Variants in ATP10A observed in about 807,000 individuals in gnomAD.
The protein encoded by ATP10A is ATPase phospholipid transporting 10A (putative).
ATP10A carries 111 observed loss-of-function variants against 147.8 expected under a neutral mutation model. The ratio of observed to expected loss-of-function variants is 0.75; its 90% CI spans 0.64 to 0.88. The LOEUF (loss-of-function observed/expected upper bound fraction) is 0.88. Among genes scored for constraint, ATP10A ranks in the 40% least tolerant of loss-of-function variants. The probability of loss-of-function intolerance (pLI) is 0.00; values close to 1 mark genes in which losing one functional copy is unlikely to be tolerated. For synonymous variants in ATP10A, 875 were observed against 841.6 expected, an observed-to-expected ratio of 1.04 and a Z score of -0.69; for missense variants, 1,927 against 1,959.0, an observed-to-expected ratio of 0.98 and a Z score of 0.31.
intron 1 of ATP10A, among the ~76,000 whole-genome samples, chr15:25,798,142 T>G (rs1890769609): frequency 6.6e-6 from 1 of 152,132 alleles, no homozygotes; most frequent in African/African-American, 2.4e-5. Flanking sequence ...AAGGAGCTCC[T>G]CAGCTTCACT....
At chr15:25,843,178 G>A (rs1308830508) in intron 1 of ATP10A, among the ~76,000 whole-genome samples, 1 of 152,060 alleles carries the variant, frequency 6.6e-6, no homozygotes, top group Non-Finnish European at 1.5e-5. Context: ...CCTGGCACCA[G>A]AGGGCTGCCA....
chr15:25,698,971 C>A (rs998850568), intron 13 of ATP10A, among the ~76,000 whole-genome samples: 1 of 152,024 alleles, frequency 6.6e-6, no homozygotes, highest in African/African-American at 2.4e-5. Context: ...TAGAGATATA[C>A]CATGTTTACA....
intron 1 of ATP10A, among the ~76,000 whole-genome samples, chr15:25,814,186 T>C (rs1891552035): frequency 6.6e-6 from 1 of 152,076 alleles, no homozygotes; most frequent in Non-Finnish European, 1.5e-5. Context: ...GTAAGAACTA[T>C]AACAAATGTC....
At position 25,713,664 on chromosome 15, in the gene ATP10A, G is replaced by A. The variant is rs1353582862; in HGVS notation, c.2344+10C>T. On this transcript the variant is annotated intron_variant, in intron 10 of 20. Transcript: ENST00000555815. ...CGAGCTGGGGTGCAGCTGGGCAGGG[G>A]TGGGAGTACCTGAAGAGCAGGGCTG... 1.2e-6 allele frequency: 2 copies of A among 1,612,674 alleles called. No homozygotes were observed. The highest frequency in any genetic ancestry group is 1.3e-5 in the African/African-American group (1 of 74,902).
chr15:25,793,001 G>C (rs1890504439), intron 1 of ATP10A, among the ~76,000 whole-genome samples: 1 of 151,650 alleles, frequency 6.6e-6, no homozygotes, highest in South Asian at 2.1e-4. Context: ...CTCCCGAGTA[G>C]CTGGGACTAC....
At position 25,815,660 on chromosome 15, in the gene ATP10A, T is replaced by A. The variant is rs549318883; in HGVS notation, c.450-34437A>T. ...TAAAACCAAACCCAAAAATGAATTC[T>A]GCAAAAAAATTTGTTAAGCTTATTT... On this transcript the variant is annotated intron_variant, in intron 1 of 20. Coordinates refer to ENST00000555815, the MANE Select transcript of ATP10A (RefSeq NM_024490.4). Among the ~76,000 whole-genome samples the A allele has an allele frequency of 5.1e-4, 11 of 21,516 alleles. No homozygotes were observed. The South Asian group carries it at 0.014, about 27-fold the overall frequency. 14.1% of individuals were successfully genotyped at this position (21,516 alleles called of 152,430 possible).
intron 1 of ATP10A, among the ~76,000 whole-genome samples, chr15:25,809,009 G>A (rs1891316076): frequency 6.6e-6 from 1 of 152,176 alleles, no homozygotes; most frequent in Non-Finnish European, 1.5e-5. Context: ...ATGTGGAGAA[G>A]CCAGGTACAG....
chr15:25,740,724 G>A (rs898550156), intron 2 of ATP10A, among the ~76,000 whole-genome samples: 1 of 152,176 alleles, frequency 6.6e-6, no homozygotes, highest in African/African-American at 2.4e-5. Flanking sequence ...CTTTGGTCTC[G>A]CCACCTGCTA....
chr15:25,775,925 T>C (rs1889584367), intron 2 of ATP10A, among the ~76,000 whole-genome samples: 1 of 152,222 alleles, frequency 6.6e-6, no homozygotes, highest in South Asian at 2.1e-4. Flanking sequence ...TATCCCTGTT[T>C]CTGCTTTCTC....
At chr15:25,858,936 G>A (rs1231761501) in intron 1 of ATP10A, among the ~76,000 whole-genome samples, 1 of 152,182 alleles carries the variant, frequency 6.6e-6, no homozygotes, top group Admixed American at 6.5e-5. Context: ...TTGGGGGACA[G>A]ATGAAATCAC....
intron 2 of ATP10A, among the ~76,000 whole-genome samples, chr15:25,779,394 T>C (rs1420664915): frequency 6.6e-6 from 1 of 152,250 alleles, no homozygotes; most frequent in African/African-American, 2.4e-5. Context: ...ATTCGAGCTA[T>C]CAGCCCTCTG....
chr15:25,850,588 T>A (rs936691981), intron 1 of ATP10A, among the ~76,000 whole-genome samples: 1 of 152,008 alleles, frequency 6.6e-6, no homozygotes, highest in Admixed American at 6.6e-5. Flanking sequence ...ACTGGAACTG[T>A]GTAGAGCGTC....
chr15:25,711,804 C>T (rs970690976), intron 10 of ATP10A, among the ~76,000 whole-genome samples: 18 of 152,304 alleles, frequency 1.2e-4, no homozygotes, highest in African/African-American at 3.1e-4. Context: ...GCCACGCTGA[C>T]GATGCCAGGT....
intron 7 of ATP10A, among the ~76,000 whole-genome samples, chr15:25,719,848 G>A (rs73362949): frequency 0.014 from 2,177 of 152,316 alleles, 54 homozygotes; most frequent in African/African-American, 0.05. Flanking sequence ...GTTCTGGTAC[G>A]TGAGCAGGGC....
intron 1 of ATP10A, among the ~76,000 whole-genome samples, chr15:25,819,907 T>C (rs1410885133): frequency 4.6e-5 from 7 of 151,918 alleles, no homozygotes; most frequent in African/African-American, 1.7e-4. Context: ...AAAATGATAA[T>C]ATTGGAGACT....
chr15:25,762,081 C>T (rs1024557703), intron 2 of ATP10A, among the ~76,000 whole-genome samples: 2 of 152,102 alleles, frequency 1.3e-5, no homozygotes, highest in Non-Finnish European at 2.9e-5. Context: ...ATGCTGTTCT[C>T]GTGACAGTGA....
rs888162055 is a variant in ATP10A, at chr15:25,789,947, T to C, written c.450-8724A>G. 5.3e-5 allele frequency among the ~76,000 whole-genome samples: 8 copies of C among 152,336 alleles called. No homozygotes were observed. The South Asian group carries it at 6.2e-4, about 12-fold the overall frequency. On this transcript the variant is annotated intron_variant, in intron 1 of 20. Coordinates refer to ENST00000555815, the MANE Select transcript of ATP10A (RefSeq NM_024490.4). Reference sequence around the variant, plus strand: ...AAAATCGCTCCCGGTTGAGAAATGCTGCTTTAAAACACCCAGGACAAAGAT... The same window carrying C: ...AAAATCGCTCCCGGTTGAGAAATGCCGCTTTAAAACACCCAGGACAAAGAT...
intron 13 of ATP10A, among the ~76,000 whole-genome samples, chr15:25,697,439 A>G (rs1193337882): frequency 6.6e-6 from 1 of 152,244 alleles, no homozygotes; most frequent in Non-Finnish European, 1.5e-5. Context: ...AACTCTGTGG[A>G]AAAAGACAAT....
chr15:25,776,240 C>T (rs56406103), intron 2 of ATP10A, among the ~76,000 whole-genome samples: 20,160 of 152,140 alleles, frequency 0.13, 1,950 homozygotes, highest in African/African-American at 0.27. Flanking sequence ...TATGCACCTT[C>T]GTGGCAGGGC....
Sources: allele counts gnomAD v4.1 joint callset (sites outside exome capture counted in the v4.1 genomes callset), GRCh38; gene constraint gnomAD v4.1.1; transcripts MANE v1.5; gene names NCBI Gene and HGNC (gene_info 2026-07-23, HGNC 2026-07-21).